Variants in IQSEC1 observed in about 807,000 individuals in gnomAD.
The protein encoded by IQSEC1 is IQ motif and SEC7 domain-containing protein 1.
A neutral mutation model predicts 91.0 loss-of-function variants in IQSEC1; 31 were observed. The observed-to-expected ratio is 0.34, with a 90% confidence interval of 0.26 to 0.46. The LOEUF (loss-of-function observed/expected upper bound fraction) is 0.46, where lower values mean the gene tolerates loss of function less well. Among genes scored for constraint, IQSEC1 ranks in the 20% least tolerant of loss-of-function variants. The probability of loss-of-function intolerance (pLI) is 1.00; values close to 1 mark genes in which losing one functional copy is unlikely to be tolerated. For synonymous variants in IQSEC1, 699 were observed against 662.6 expected, an observed-to-expected ratio of 1.05 and a Z score of -0.84; for missense variants, 1,388 against 1,575.6, an observed-to-expected ratio of 0.88 and a Z score of 2.02.
chr3:13,056,656 T>C lies in IQSEC1; in HGVS notation c.23+16336A>G, dbSNP rs372456793. Among the ~76,000 whole-genome samples the C allele has an allele frequency of 7.9e-5, 12 of 151,118 alleles. No individual in the cohort carries two copies. The South Asian group carries it at 1.5e-3, about 19-fold the overall frequency. On this transcript the variant is annotated intron_variant, in intron 1 of 13. Transcript: ENST00000613206. ...CTGCTGTAACGTCCCGCACCACCCA[T>C]AGTCAGCTCAGGCGGCTGATCTCCA...
intron 1 of IQSEC1, among the ~76,000 whole-genome samples, chr3:13,192,767 T>A (rs1043815246): frequency 6.6e-6 from 1 of 152,248 alleles, no homozygotes; most frequent in Non-Finnish European, 1.5e-5. Context: ...TGTGTAGACA[T>A]TTCCCACAGG....
rs889538214 is a variant in IQSEC1 at position 13,072,960 on chromosome 3, G to A, written c.23+32C>T. The A allele has an allele frequency of 3.2e-6, 5 of 1,545,212 alleles. No homozygotes were observed. The African/African-American group carries it at 5.5e-5, about 17-fold the overall frequency. On this transcript the variant is annotated intron_variant, in intron 1 of 13. Coordinates refer to ENST00000613206, the MANE Select transcript of IQSEC1 (RefSeq NM_001134382.3). ...CTCAGCCGGGCCCCTCTGGCCTCTG[G>A]CTTCAGGCAGAAACCTGCCACATAT... is the stretch of plus-strand genomic sequence containing the variant.
In IQSEC1 at chr3:12,941,656, C is replaced by A. The variant is rs755549936; in HGVS notation, c.233G>T (p.Arg78Leu). ...PKLQHSTSIL[R>L]KQAEEEAIKR... ...GATGGCCTCCTCCTCAGCCTGCTTG[C>A]GCAGGATGGAGGTCGAGTGCTGCAG... The change falls in exon 2 of 14, where the codon CGC becomes CTC. Residue 78 changes from arginine (R) to leucine (L), a missense_variant. Physicochemically the swap from Arg to Leu is moderately radical, Grantham distance 102 (BLOSUM62 -2). Around this residue, in one of 2 missense-constraint regions of IQSEC1, gnomAD observed 1,059 missense variants for 1,317.8 expected, o/e 0.80. Transcript: ENST00000613206. 1.9e-6 allele frequency: 3 copies of A among 1,612,924 alleles called. No individual in the cohort carries two copies. The highest frequency in any genetic ancestry group is 2.5e-6 in the Non-Finnish European group (3 of 1,179,850).
chr3:13,156,269 A>T (rs555469408), intron 2 of IQSEC1, among the ~76,000 whole-genome samples: 21 of 152,180 alleles, frequency 1.4e-4, no homozygotes, highest in African/African-American at 4.6e-4. Context: ...AATAAAATAA[A>T]AACACTAAAC....
intron 1 of IQSEC1, among the ~76,000 whole-genome samples, chr3:12,990,727 G>A (rs1237110685): frequency 6.6e-6 from 1 of 152,164 alleles, no homozygotes; most frequent in Non-Finnish European, 1.5e-5. Context: ...ACCGAGCAAC[G>A]CTGAAAGGAC....
chr3:12,996,552 A>C (rs1702233679), intron 1 of IQSEC1, among the ~76,000 whole-genome samples: 1 of 152,242 alleles, frequency 6.6e-6, no homozygotes, highest in African/African-American at 2.4e-5. Flanking sequence ...TAACTGCATA[A>C]AAATTAAAAC....
In IQSEC1 at chr3:12,900,472, T is replaced by C. The variant is rs1485212246; in HGVS notation, c.*511A>G. 1 of 689,304 alleles carries C rather than the reference T, an allele frequency of 1.5e-6. No homozygotes were observed. The highest frequency in any genetic ancestry group is 1.8e-6 in the Non-Finnish European group (1 of 562,172). The allele number at this position is 689,304 out of a possible 1,614,324, so 42.7% of individuals were successfully genotyped here. A position where few individuals can be genotyped will look rare whatever the true frequency, so the allele number is the denominator to read the frequency against. On this transcript the variant is annotated 3_prime_UTR_variant, in exon 14 of 14. Coordinates refer to ENST00000613206, the MANE Select transcript of IQSEC1 (RefSeq NM_001134382.3). ...TACAGTATATATATATATATATTTA[T>C]ATATTTATATATTTATATAAAGTTT...
At chr3:13,242,893 GAGAA>G (rs1695043733) in intron 1 of IQSEC1, among the ~76,000 whole-genome samples, 1 of 152,022 alleles carries the variant, frequency 6.6e-6, no homozygotes, top group Admixed American at 6.6e-5. Context: ...GAGGAAAAAA[GAGAA>G]AAGGGAGGGA....
intron 2 of IQSEC1, among the ~76,000 whole-genome samples, chr3:13,098,432 G>GT: frequency 6.6e-6 from 1 of 152,298 alleles, no homozygotes; most frequent in East Asian, 1.9e-4. Flanking sequence ...GGGGGGATAA[G>GT]TAAAGAAAGC....
intron 1 of IQSEC1, chr3:12,960,579 G>C (rs1396603453): frequency 6.6e-6 from 1 of 152,220 alleles, no homozygotes; most frequent in East Asian, 1.9e-4. Flanking sequence ...CAGAGGACCA[G>C]GTCTATATTC....
chr3:13,114,220 T>G (rs975039286), intron 2 of IQSEC1, among the ~76,000 whole-genome samples: 3 of 152,002 alleles, frequency 2.0e-5, no homozygotes, highest in Non-Finnish European at 4.4e-5. Flanking sequence ...ACCTGCAGGA[T>G]GCGGGTGGGG....
At chr3:13,066,593 G>A (rs1259673753) in intron 1 of IQSEC1, among the ~76,000 whole-genome samples, 5 of 152,254 alleles carry the variant, frequency 3.3e-5, no homozygotes, top group Non-Finnish European at 4.4e-5. Flanking sequence ...CTGGGCAGGA[G>A]TTGGAACGTT....
chr3:13,263,878 G>A lies in IQSEC1; in HGVS notation c.272+18833C>T, dbSNP rs144576644. Among the ~76,000 whole-genome samples, 675 of 152,264 alleles carry A rather than the reference G, an allele frequency of 4.4e-3. 6 individuals are homozygous for A. Among genetic ancestry groups the A allele is most frequent in the African/African-American group, 0.015 (607 of 41,554 alleles). On this transcript the variant is annotated intron_variant, in intron 1 of 15. Transcript: ENST00000648114. ...GCTGGTGACCTCAGCCAAGCTCTCA[G>A]CCCCTCTGAGCCACAGTTCTCTGAG...
intron 2 of IQSEC1, among the ~76,000 whole-genome samples, chr3:13,116,681 G>T (rs1309924015): frequency 6.6e-6 from 1 of 152,086 alleles, no homozygotes; most frequent in Non-Finnish European, 1.5e-5. Context: ...TGGGTGGATC[G>T]TTTGAGATCA....
rs1354969254 is a variant in IQSEC1, at chr3:13,103,795, G to A, written c.303-56273C>T. Among the ~76,000 whole-genome samples, 1 of 152,140 alleles carries A rather than the reference G, an allele frequency of 6.6e-6. No individual in the cohort carries two copies. The highest frequency in any genetic ancestry group is 2.4e-5 in the African/African-American group (1 of 41,426). ...TTGCCTACCACCCTACGAGGGCAGG[G>A]GCTGTGTCTGCCTCCATCACTGCTC... On this transcript the variant is annotated intron_variant, in intron 2 of 15. Transcript: ENST00000648114. The surrounding 1 kb of genome is among the most constrained non-coding windows in gnomAD (Gnocchi z 4.1).
chr3:13,253,602 G>C (rs1269534435), intron 1 of IQSEC1, among the ~76,000 whole-genome samples: 1 of 152,184 alleles, frequency 6.6e-6, no homozygotes, highest in Non-Finnish European at 1.5e-5. Context: ...ATTAGATAAG[G>C]GGTAGTCAGC....
intron 1 of IQSEC1, among the ~76,000 whole-genome samples, chr3:12,958,133 G>A (rs182519391): frequency 5.9e-5 from 9 of 152,206 alleles, no homozygotes; most frequent in East Asian, 1.9e-4. Context: ...TCTAACCATC[G>A]AGCTCCCCCT....
chr3:12,933,500 G>T (rs903630850), intron 3 of IQSEC1, among the ~76,000 whole-genome samples: 1 of 152,244 alleles, frequency 6.6e-6, no homozygotes, highest in African/African-American at 2.4e-5. Context: ...TACATAGTAA[G>T]GCCCTATCCT....
At chr3:13,068,441 G>A (rs1343156405) in intron 1 of IQSEC1, among the ~76,000 whole-genome samples, 1 of 152,254 alleles carries the variant, frequency 6.6e-6, no homozygotes, top group Non-Finnish European at 1.5e-5. Flanking sequence ...GCCTTGCAAA[G>A]GGGCAGAGGC....
Sources: allele counts gnomAD v4.1 joint callset (sites outside exome capture counted in the v4.1 genomes callset), GRCh38; gene constraint gnomAD v4.1.1; regional missense constraint gnomAD v4.1.1; non-coding constraint Gnocchi (gnomAD v3.1); transcripts MANE v1.5; gene names NCBI Gene and HGNC (gene_info 2026-07-23, HGNC 2026-07-21).